The following PARN variants were observed in gnomAD, a reference collection of about 807,000 sequenced individuals.
PARN encodes the protein poly(A)-specific ribonuclease PARN.
In PARN, 71 loss-of-function variants were observed where a neutral mutation model predicts 102.8. The observed-to-expected ratio is 0.69, with a 90% CI of 0.57 to 0.84. The LOEUF is 0.84. Among genes scored for constraint, PARN ranks in the 40% least tolerant of loss-of-function variants. PARN has a pLI of 0.00. For missense variants in PARN, 782 were observed against 760.9 expected, an observed-to-expected ratio of 1.03 and a Z score of -0.33; for synonymous variants, 261 against 252.9, an observed-to-expected ratio of 1.03 and a Z score of -0.30.
At chr16:14,606,621 A>C in intron 9 of PARN, 95 bp from the exon 10 acceptor site, 1 of 607,266 alleles carries the variant, frequency 1.6e-6, no homozygotes, top group Non-Finnish European at 2.9e-6. Flanking sequence ...TAATTAAGTA[A>C]GTTTTATTAA....
chr16:14,531,674 T>A (rs1383796089), intron 21 of PARN, among the ~76,000 whole-genome samples: 1 of 152,120 alleles, frequency 6.6e-6, no homozygotes, highest in Non-Finnish European at 1.5e-5. Flanking sequence ...TTTGACTTTG[T>A]GCTACCATGC....
intron 18 of PARN, among the ~76,000 whole-genome samples, chr16:14,573,518 T>G (rs1229278527): frequency 6.6e-6 from 1 of 152,196 alleles, no homozygotes; most frequent in Non-Finnish European, 1.5e-5. Context: ...TGGGCACTTA[T>G]TAAGTTCTAG....
intron 18 of PARN, among the ~76,000 whole-genome samples, chr16:14,574,369 G>A (rs1968987036): frequency 6.6e-6 from 1 of 152,086 alleles, no homozygotes; most frequent in Non-Finnish European, 1.5e-5. Flanking sequence ...AGTTTTATGA[G>A]GGAAGTAGAG....
At chr16:14,607,396 C>T (rs141199075) in intron 9 of PARN, among the ~76,000 whole-genome samples, 2,641 of 151,980 alleles carry the variant, frequency 0.017, 34 homozygotes, top group Non-Finnish European at 0.027. Context: ...GTAGTAGAGA[C>T]GGGGTTTCAC....
chr16:14,464,073 G>A (rs900615695), intron 22 of PARN, among the ~76,000 whole-genome samples: 2 of 152,082 alleles, frequency 1.3e-5, no homozygotes, highest in Non-Finnish European at 2.9e-5. Context: ...GAACTCTTAG[G>A]TTCAAGAGAT....
chr16:14,529,681 C>T (rs1368676477), intron 21 of PARN, among the ~76,000 whole-genome samples: 1 of 152,142 alleles, frequency 6.6e-6, no homozygotes, highest in African/African-American at 2.4e-5. Flanking sequence ...GACACTGGCC[C>T]AACAACCACT....
intron 18 of PARN, among the ~76,000 whole-genome samples, chr16:14,565,846 C>G (rs899394504): frequency 2.0e-5 from 3 of 152,166 alleles, no homozygotes; most frequent in African/African-American, 7.2e-5. Context: ...CACATTTTCC[C>G]CTATCTATGA....
intron 22 of PARN, among the ~76,000 whole-genome samples, chr16:14,474,629 C>T (rs1962936306): frequency 6.6e-6 from 1 of 152,174 alleles, no homozygotes; most frequent in Non-Finnish European, 1.5e-5. Flanking sequence ...GAGGCACACG[C>T]TGGGCTCTTG....
At chr16:14,520,418 G>A (rs975939269) in intron 21 of PARN, among the ~76,000 whole-genome samples, 6 of 151,990 alleles carry the variant, frequency 3.9e-5, no homozygotes, top group African/African-American at 1.2e-4. Flanking sequence ...TACTAATATT[G>A]TACCTATGTT....
At chr16:14,461,807 T>G (rs1961999121) in intron 22 of PARN, among the ~76,000 whole-genome samples, 1 of 152,192 alleles carries the variant, frequency 6.6e-6, no homozygotes, top group Non-Finnish European at 1.5e-5. Flanking sequence ...GATTATCCAT[T>G]TGAAAAGAAT....
At chr16:14,622,700 G>A (rs1473423523) in intron 5 of PARN, among the ~76,000 whole-genome samples, 1 of 152,180 alleles carries the variant, frequency 6.6e-6, no homozygotes. Context: ...TAGAGACGGG[G>A]TTTCACCGTG....
Position 14,554,097 on chromosome 16 carries a change from G to A in PARN, c.1373C>T (p.Thr458Ile). ...LHVTFPKEWKTSDLYQLFSAF... is the reference protein window; with the variant it reads ...LHVTFPKEWKISDLYQLFSAF... ...ACTGAAAAGCTGGTAAAGGTCGCTG[G>A]TTTTCCATTCTTTGGGGAATGTCAC... The change falls in exon 20 of 24, where the codon ACC becomes ATC. Residue 458 changes from threonine to isoleucine, a missense_variant. Transcript: ENST00000437198. The A allele has an allele frequency of 6.2e-7, 1 of 1,613,252 alleles. No individual in the cohort carries two copies. The highest frequency in any genetic ancestry group is 8.5e-7 in the Non-Finnish European group (1 of 1,179,548).
chr16:14,559,549 T>A lies in PARN; in HGVS notation c.1263-3840A>T, dbSNP rs758720035. ...TCCATCCCCTCAAGCATTTATCCTT[T>A]CAGTTACAAACAATCCAACGACACT... On this transcript the variant is annotated intron_variant, in intron 18 of 23. Transcript: ENST00000437198. Among the ~76,000 whole-genome samples the A allele has an allele frequency of 3.7e-4, 57 of 152,162 alleles. 1 individual carries two copies. Among genetic ancestry groups the A allele is most frequent in the Non-Finnish European group, 6.2e-4 (42 of 68,028 alleles).
chr16:14,509,864 T>C (rs1280425460), intron 21 of PARN, among the ~76,000 whole-genome samples: 1 of 152,220 alleles, frequency 6.6e-6, no homozygotes, highest in Non-Finnish European at 1.5e-5. Flanking sequence ...TAAGTGTCCT[T>C]GTTATTGCTT....
intron 21 of PARN, among the ~76,000 whole-genome samples, chr16:14,496,544 T>C: frequency 6.6e-6 from 1 of 152,186 alleles, no homozygotes. Context: ...CTGAAAGACC[T>C]AAGCAATTTA....
intron 21 of PARN, among the ~76,000 whole-genome samples, chr16:14,512,724 A>G (rs1965262307): frequency 6.6e-6 from 1 of 152,220 alleles, no homozygotes; most frequent in Non-Finnish European, 1.5e-5. Flanking sequence ...ATGGGACTCC[A>G]AAAATGGAGT....
At chr16:14,495,655 G>A (rs921747646) in intron 21 of PARN, among the ~76,000 whole-genome samples, 2 of 152,220 alleles carry the variant, frequency 1.3e-5, no homozygotes, top group Non-Finnish European at 2.9e-5. Context: ...CTCGAATTCC[G>A]AAAAGGAAGG....
rs1963453358 is a variant in PARN, at chr16:14,482,789, G to T, written c.1519C>A (p.Gln507Lys). Reference protein sequence around the residue: ...TSKYAESYRIQTYAEYMGRKQ... With the variant: ...TSKYAESYRIKTYAEYMGRKQ... The stretch of plus-strand genomic sequence containing the variant: ...CTCCCCATATATTCAGCATAGGTTT[G>T]GATCCGATAGCTTTCTGCATATTTG... Residue 507 changes from glutamine to lysine, a missense_variant, in exon 22 of 24, where the codon CAA (glutamine) becomes AAA (lysine). Transcript: ENST00000437198. The T allele has an allele frequency of 6.2e-7, 1 of 1,612,952 alleles. No homozygotes were observed. The highest frequency in any genetic ancestry group is 1.3e-5 in the African/African-American group (1 of 74,838).
chr16:14,463,092 T>C (rs183510675), intron 22 of PARN, among the ~76,000 whole-genome samples: 3 of 152,298 alleles, frequency 2.0e-5, no homozygotes, highest in Non-Finnish European at 4.4e-5. Flanking sequence ...CAATATATGG[T>C]GCTCACACAG....
Sources: gnomAD v4.1 joint callset for allele counts (sites outside exome capture counted in the v4.1 genomes callset) on GRCh38, gnomAD v4.1.1 for gene constraint, MANE v1.5 for transcripts, NCBI Gene and HGNC (gene_info 2026-07-23, HGNC 2026-07-21) for gene names.